Variants in ADAMTS2 observed in about 807,000 individuals in gnomAD.
ADAMTS2 encodes ADAM metallopeptidase with thrombospondin type 1 motif 2, also known as A disintegrin and metalloproteinase with thrombospondin motifs 2.
ADAMTS2 carries 50 observed loss-of-function variants against 123.0 expected under a neutral mutation model. The observed-to-expected ratio is 0.41, with a 90% CI of 0.32 to 0.51. ADAMTS2 has a LOEUF of 0.51. Ranked by LOEUF, ADAMTS2 falls within the 20% of genes least tolerant of loss-of-function variation. The pLI, the probability that ADAMTS2 is intolerant of heterozygous loss-of-function variation, is 0.35. For synonymous variants in ADAMTS2, 678 were observed against 695.4 expected (o/e 0.98, Z 0.39); for missense variants, 1,494 against 1,705.2 (o/e 0.88, Z 2.18).
intron 5 of ADAMTS2, among the ~76,000 whole-genome samples, chr5:179,159,201 G>A (rs919424597): frequency 6.6e-6 from 1 of 152,222 alleles, no homozygotes; most frequent in Non-Finnish European, 1.5e-5. Flanking sequence ...AGAAGTCCCT[G>A]TGTTTGTTCT....
chr5:179,238,150 C>A (rs1291003464), intron 3 of ADAMTS2, among the ~76,000 whole-genome samples: 3 of 152,220 alleles, frequency 2.0e-5, no homozygotes, highest in Admixed American at 1.3e-4. Context: ...TCTGGGCTCA[C>A]AGATATTCCT....
chr5:179,152,550 G>A (rs1270905558), intron 9 of ADAMTS2, among the ~76,000 whole-genome samples: 1 of 152,108 alleles, frequency 6.6e-6, no homozygotes, highest in Non-Finnish European at 1.5e-5. Context: ...GGCTAGGTGG[G>A]CACCTGCTGA....
At chr5:179,315,397 G>C (rs902182928) in intron 2 of ADAMTS2, among the ~76,000 whole-genome samples, 1 of 120,420 alleles carries the variant, frequency 8.3e-6, no homozygotes, top group African/African-American at 3.0e-5. Context: ...TGTCCCCAAA[G>C]GGGGTTTGTT....
chr5:179,319,912 A>G (rs958043233), intron 2 of ADAMTS2, among the ~76,000 whole-genome samples: 1 of 152,048 alleles, frequency 6.6e-6, no homozygotes, highest in Admixed American at 6.5e-5. Flanking sequence ...GGCCCACAGA[A>G]TGCCTGGTCC....
At chr5:179,253,936 T>C (rs547592072) in intron 3 of ADAMTS2, among the ~76,000 whole-genome samples, 1 of 152,310 alleles carries the variant, frequency 6.6e-6, no homozygotes, top group East Asian at 1.9e-4. Context: ...CCTGCTGCTG[T>C]GTCCTGCACT....
chr5:179,116,260 A>ACCCCCCCCCCCCCCCCCCCCCC (rs146306326), intron 21 of ADAMTS2, among the ~76,000 whole-genome samples: 59 of 93,870 alleles, frequency 6.3e-4, no homozygotes, highest in Non-Finnish European at 6.9e-4. Flanking sequence ...TGACCACGGC[A>ACCCCCCCCCCCCCCCCCCCCCC]CCCCCCCCCC....
At chr5:179,131,423 G>A (rs1424198379) in intron 15 of ADAMTS2, among the ~76,000 whole-genome samples, 2 of 152,022 alleles carry the variant, frequency 1.3e-5, no homozygotes, top group African/African-American at 4.8e-5. Context: ...AAATAAAAGG[G>A]CATGGTATGT....
chr5:179,251,066 C>T (rs1300181522), intron 3 of ADAMTS2, among the ~76,000 whole-genome samples: 1 of 152,216 alleles, frequency 6.6e-6, no homozygotes, highest in Non-Finnish European at 1.5e-5. Context: ...TCAGCCGGCA[C>T]CTGAAGCTAG....
At chr5:179,211,531 A>T (rs1408674368) in intron 3 of ADAMTS2, among the ~76,000 whole-genome samples, 10 of 152,322 alleles carry the variant, frequency 6.6e-5, no homozygotes, top group African/African-American at 2.4e-4. Context: ...TGGCAGCTGG[A>T]GATCTCTTTG....
chr5:179,292,361 T>C (rs1490606893), intron 2 of ADAMTS2, among the ~76,000 whole-genome samples: 1 of 150,746 alleles, frequency 6.6e-6, no homozygotes, highest in African/African-American at 2.4e-5. Flanking sequence ...GAGATATAAA[T>C]ATGAAATTAG....
rs763905470 is a variant in ADAMTS2, at chr5:179,273,051, C to T, written c.548G>A (p.Arg183Gln). Residue 183 changes from arginine to glutamine, a missense_variant, in exon 3 of 22, where the codon CGG (arginine) becomes CAG (glutamine). This residue lies in a region of ADAMTS2 where 184 missense variants were observed against 152.1 expected (regional missense o/e 1.21). Coordinates refer to ENST00000251582, the MANE Select transcript of ADAMTS2 (RefSeq NM_014244.5). ...SNCDGLAGLI[R>Q]MEEEEFFIEP... ...GATGAAGAACTCCTCCTCCTCCATC[C>T]GGATCAGACCAGCCTGCGGGACAAA... 50 of 1,613,484 alleles carry T rather than the reference C, an allele frequency of 3.1e-5. 1 individual carries two copies. In the Middle Eastern group the frequency reaches 4.9e-4, roughly 16 times the overall value.
At chr5:179,124,179 CCTT>C (rs776199894) in intron 19 of ADAMTS2, among the ~76,000 whole-genome samples, 14 of 152,272 alleles carry the variant, frequency 9.2e-5, no homozygotes, top group South Asian at 4.1e-4. Context: ...GTCTGTGAGT[CCTT>C]CTAGTGGATT....
intron 7 of ADAMTS2, 48 bp downstream of exon 7, chr5:179,154,766 G>A: frequency 6.8e-7 from 1 of 1,480,180 alleles, no homozygotes; most frequent in Non-Finnish European, 9.3e-7. Context: ...CAGGGCTGGG[G>A]ATCCTAGGGT....
chr5:179,328,777 A>G (rs1757379956), intron 2 of ADAMTS2, among the ~76,000 whole-genome samples: 1 of 152,218 alleles, frequency 6.6e-6, no homozygotes, highest in Admixed American at 6.5e-5. Context: ...TGGCAATAAC[A>G]TTCTAAGTCT....
intron 2 of ADAMTS2, among the ~76,000 whole-genome samples, chr5:179,340,592 T>C (rs1359121788): frequency 1.3e-5 from 2 of 152,154 alleles, no homozygotes; most frequent in African/African-American, 2.4e-5. Flanking sequence ...TGGAATCAGA[T>C]TTGTGTTCAA....
chr5:179,230,236 A>AG (rs1251626993), intron 3 of ADAMTS2, among the ~76,000 whole-genome samples: 1 of 151,990 alleles, frequency 6.6e-6, no homozygotes, highest in Non-Finnish European at 1.5e-5. Context: ...CTCGGGGGCA[A>AG]GGGGGGAGGG....
At chr5:179,224,898 C>T (rs1365491470) in intron 3 of ADAMTS2, among the ~76,000 whole-genome samples, 2 of 152,206 alleles carry the variant, frequency 1.3e-5, no homozygotes, top group Non-Finnish European at 2.9e-5. Flanking sequence ...GCAACCGTTT[C>T]CCTGTATCCT....
chr5:179,180,895 A>G lies in ADAMTS2; in HGVS notation c.975+177T>C, dbSNP rs1367620740. 6.6e-6 allele frequency among the ~76,000 whole-genome samples: 1 copy of G among 152,146 alleles called. No individual in the cohort carries two copies. Among genetic ancestry groups the G allele is most frequent in the East Asian group, 1.9e-4 (1 of 5,180 alleles). On this transcript the variant is annotated intron_variant, in intron 5 of 21. Transcript: ENST00000251582. The surrounding 1 kb of genome is among the most constrained non-coding windows in gnomAD (Gnocchi z 4.6). ...TGAACAATAGTAATGGCCACATTTT[A>G]AAACAAGGGGTGAAAGGGAGCAGGG... is the stretch of plus-strand genomic sequence containing the variant.
intron 3 of ADAMTS2, among the ~76,000 whole-genome samples, chr5:179,271,701 G>T (rs556656104): frequency 6.6e-6 from 1 of 152,258 alleles, no homozygotes; most frequent in Non-Finnish European, 1.5e-5. Flanking sequence ...AGGGGCCACC[G>T]GTTGCACTGA....
Sources: gnomAD v4.1 joint callset for allele counts (sites outside exome capture counted in the v4.1 genomes callset) on GRCh38, gnomAD v4.1.1 for gene constraint, gnomAD v4.1.1 regional missense constraint, Gnocchi (gnomAD v3.1) non-coding constraint, MANE v1.5 for transcripts, NCBI Gene and HGNC (gene_info 2026-07-23, HGNC 2026-07-21) for gene names.